The following PHF3 variants were observed in gnomAD, a reference collection of about 807,000 sequenced individuals.
PHF3 encodes PHD finger protein 3.
In PHF3, 41 loss-of-function variants were observed where a neutral mutation model predicts 178.4. The observed-to-expected ratio is 0.23, with a 90% CI of 0.18 to 0.30. The LOEUF (loss-of-function observed/expected upper bound fraction) is 0.30, where lower values mean the gene tolerates loss of function less well. PHF3 is among the 10% of genes least tolerant of loss of function. The probability of loss-of-function intolerance (pLI) is 1.00; values close to 1 mark genes in which losing one functional copy is unlikely to be tolerated. For synonymous variants in PHF3, 842 were observed against 800.5 expected (o/e 1.05, Z -0.88); for missense variants, 2,346 against 2,398.1 (o/e 0.98, Z 0.45).
chr6:63,703,440 A>T, intron 10 of PHF3, 96 bp from the exon 11 acceptor site: 1 of 1,312,856 alleles, frequency 7.6e-7, no homozygotes, highest in East Asian at 2.6e-5. Flanking sequence ...GAACAACTGC[A>T]TTTTAGGAAA....
At chr6:63,659,301 T>C (rs999463831) in intron 2 of PHF3, among the ~76,000 whole-genome samples, 3 of 152,114 alleles carry the variant, frequency 2.0e-5, no homozygotes, top group African/African-American at 7.2e-5. Context: ...CACAGTAAGG[T>C]CCCAAAAACT....
At chr6:63,675,445 T>C (rs1029886602) in intron 2 of PHF3, among the ~76,000 whole-genome samples, 26 of 152,312 alleles carry the variant, frequency 1.7e-4, no homozygotes, top group Admixed American at 1.5e-3. Flanking sequence ...TGGCACCTAG[T>C]ACCTAGTTCT....
At chr6:63,709,124 A>C in intron 13 of PHF3, 27 bp from the exon 14 acceptor site, 1 of 1,139,128 alleles carries the variant, frequency 8.8e-7, no homozygotes, top group Non-Finnish European at 1.3e-6. Flanking sequence ...ATATATATTG[A>C]TCTCTTTTTT....
intron 2 of PHF3, 81 bp downstream of exon 2, chr6:63,646,876 C>CT (rs1026515167): frequency 1.5e-5 from 12 of 774,572 alleles, no homozygotes; most frequent in Admixed American, 1.8e-4. Flanking sequence ...TTTCTTTTTT[C>CT]TTTTTTTCTT....
rs1264301109 is a variant in PHF3, at chr6:63,685,728, A to T, written c.2006A>T (p.Asn669Ile). The change falls in exon 4 of 16, where the codon AAC becomes ATC. Residue 669 changes from asparagine (N) to isoleucine (I), a missense_variant. Asn to Ile is a moderately radical substitution (Grantham distance 149). Coordinates refer to ENST00000262043, the MANE Select transcript of PHF3 (RefSeq NM_001370348.2). ...CTGAAACTGAAAAAACCTGAGAAGA[A>T]CCTACAACCCCGCCAAAGAAGAAGC... ...DKLKLKKPEK[N>I]LQPRQRRSSK... The T allele has an allele frequency of 6.2e-7, 1 of 1,613,936 alleles. No homozygotes were observed. The highest frequency in any genetic ancestry group is 8.5e-7 in the Non-Finnish European group (1 of 1,180,018).
At chr6:63,693,361 A>G (rs541668712) in intron 5 of PHF3, among the ~76,000 whole-genome samples, 2 of 152,302 alleles carry the variant, frequency 1.3e-5, no homozygotes, top group East Asian at 3.9e-4. Context: ...CACACCTGTA[A>G]TCCTAGCACT....
intron 2 of PHF3, among the ~76,000 whole-genome samples, chr6:63,664,731 T>TA (rs1416465399): frequency 6.6e-6 from 1 of 152,160 alleles, no homozygotes; most frequent in Non-Finnish European, 1.5e-5. Flanking sequence ...CTTATTTTGA[T>TA]AAAATTTTTT....
chr6:63,699,624 C>T (rs1423822733), intron 8 of PHF3, among the ~76,000 whole-genome samples: 4 of 151,938 alleles, frequency 2.6e-5, no homozygotes, highest in Admixed American at 2.0e-4. Context: ...CAGAGTCTTG[C>T]CCTGTCGCCC....
intron 9 of PHF3, chr6:63,702,307 A>G (rs1160405990): frequency 3.3e-6 from 1 of 302,800 alleles, no homozygotes; most frequent in Non-Finnish European, 6.1e-6. Context: ...TACGGGGTCT[A>G]ATTCTTATAA....
At position 63,713,431 on chromosome 6, in the gene PHF3, GCAGAGACAGAAGCCAAGACAAGGA is replaced by G; in HGVS notation, c.5855_5878del (p.Ser1952_Arg1959del). ...GAGCAAGAATCTGAAAGGCATAGAC[GCAGAGACAGAAGCCAAGACAAGGA>G]CAGAGACAGAAAAAGCAGGGAGGAA... On this transcript the variant is annotated inframe_deletion, in exon 16 of 16. Coordinates refer to ENST00000262043, the MANE Select transcript of PHF3 (RefSeq NM_001370348.2). 1 of 1,613,922 alleles carries G rather than the reference GCAGAGACAGAAGCCAAGACAAGGA, an allele frequency of 6.2e-7. No individual in the cohort carries two copies. Among genetic ancestry groups the G allele is most frequent in the Non-Finnish European group, 8.5e-7 (1 of 1,179,942 alleles).
intron 6 of PHF3, among the ~76,000 whole-genome samples, chr6:63,695,155 G>A (rs1767180068): frequency 6.6e-6 from 1 of 152,166 alleles, no homozygotes; most frequent in Admixed American, 6.5e-5. Context: ...AACTTGTGAG[G>A]TGGGATTTGA....
rs1260487488 is a variant in PHF3 at position 63,721,181 on chromosome 6, G to T, written c.*7473G>T. 1.3e-6 allele frequency: 2 copies of T among 1,551,564 alleles called. No individual in the cohort carries two copies. The highest frequency in any genetic ancestry group is 2.4e-5 in the South Asian group (2 of 84,052). ...ATTTTGCAGTTGAAAATGAAGTTTTGTTTTCACAATACCTTCCCACCCAAC... is the reference window on the plus strand; with the variant it reads ...ATTTTGCAGTTGAAAATGAAGTTTTTTTTTCACAATACCTTCCCACCCAAC... On this transcript the variant is annotated 3_prime_UTR_variant, in exon 16 of 16. Coordinates refer to ENST00000262043, the MANE Select transcript of PHF3 (RefSeq NM_001370348.2).
chr6:63,679,483 C>T lies in PHF3; in HGVS notation c.245-517C>T, dbSNP rs76437332. ...TTCCTCTCTCTGTTTTTTTCCGTTT[C>T]TTCCTGTTTTTTTTTTCTTTTGGTA... On this transcript the variant is annotated intron_variant, in intron 2 of 15. Transcript: ENST00000262043. Among the ~76,000 whole-genome samples, 1,307 of 151,010 alleles carry T rather than the reference C, an allele frequency of 8.7e-3. 20 individuals carry two copies. The highest frequency in any genetic ancestry group is 0.03 in the African/African-American group (1,218 of 41,124).
rs750640496 is a variant in PHF3, at chr6:63,685,770, T to C, written c.2048T>C (p.Leu683Ser). 1.9e-6 allele frequency: 3 copies of C among 1,614,112 alleles called. No individual in the cohort carries two copies. Among genetic ancestry groups the C allele is most frequent in the East Asian group, 2.2e-5 (1 of 44,886 alleles). The change falls in exon 4 of 16, where the codon TTA becomes TCA. Residue 683 changes from leucine to serine, a missense_variant. Physicochemically the swap from Leu to Ser is moderately radical, Grantham distance 145. Transcript: ENST00000262043. ...RQRRSSKSFS[L>S]DEPPLFIPDN... ...AGAAGAAGCAGCAAAAGTTTTTCTT[T>C]AGATGAGCCACCATTGTTCATTCCA...
At chr6:63,655,194 G>T (rs566295816) in intron 2 of PHF3, among the ~76,000 whole-genome samples, 3 of 152,222 alleles carry the variant, frequency 2.0e-5, no homozygotes, top group Admixed American at 2.0e-4. Flanking sequence ...CTCCTAAGTA[G>T]CTGGGATTAT....
In PHF3 at chr6:63,635,863, G is replaced by A. The variant is rs948030807; in HGVS notation, c.-313G>A. The A allele has an allele frequency of 1.8e-5, 7 of 397,282 alleles. No homozygotes were observed. Among genetic ancestry groups the A allele is most frequent in the African/African-American group, 1.4e-4 (7 of 48,546 alleles). 24.6% of individuals were successfully genotyped at this position (397,282 alleles called of 1,614,324 possible). A position where few individuals can be genotyped will look rare whatever the true frequency, so the allele number is the denominator to read the frequency against. ...GCGCCGCCGCCGCACGCCGATGGCT[G>A]CGGGGTCTCGCGCCGTCGCACCGTC... On this transcript the variant is annotated 5_prime_UTR_variant, in exon 1 of 16. Transcript: ENST00000262043.
At chr6:63,653,568 A>G (rs1218139801) in intron 2 of PHF3, among the ~76,000 whole-genome samples, 2 of 152,082 alleles carry the variant, frequency 1.3e-5, no homozygotes, top group Non-Finnish European at 2.9e-5. Context: ...ATTTGTTTAT[A>G]AGTTCTAACA....
rs751553492 is a variant in PHF3 at position 63,685,483 on chromosome 6, A to G, written c.1761A>G (p.Gln587=). ...KKTLQDQTLV[Q]IFKPLTHSLS... ...CATTACAGGATCAAACTTTAGTACA[A>G]ATTTTCAAGCCCTTAACTCATTCTT... Residue 587 remains glutamine (Q), a synonymous_variant, in exon 4 of 16, where the codon CAA becomes CAG. Coordinates refer to ENST00000262043, the MANE Select transcript of PHF3 (RefSeq NM_001370348.2). The G allele has an allele frequency of 1.7e-5, 27 of 1,613,956 alleles. No individual in the cohort carries two copies. In the East Asian group the frequency reaches 2.0e-4, roughly 12 times the overall value.
chr6:63,694,938 C>T (rs1767170770), intron 6 of PHF3, among the ~76,000 whole-genome samples, 174 bp downstream of exon 6: 1 of 152,112 alleles, frequency 6.6e-6, no homozygotes, highest in Non-Finnish European at 1.5e-5. Flanking sequence ...TAAAAACTTG[C>T]TCTAAATTCT....
Sources: gnomAD v4.1 joint callset for allele counts (sites outside exome capture counted in the v4.1 genomes callset) on GRCh38, gnomAD v4.1.1 for gene constraint, MANE v1.5 for transcripts, NCBI Gene and HGNC (gene_info 2026-07-23, HGNC 2026-07-21) for gene names.